The following PARD3 variants were observed in gnomAD, a reference collection of about 807,000 sequenced individuals.
The protein encoded by PARD3 is partitioning defective 3 homolog.
PARD3 carries 75 observed loss-of-function variants against 155.4 expected under a neutral mutation model. The ratio of observed to expected loss-of-function variants is 0.48; its 90% CI spans 0.40 to 0.58. The LOEUF (loss-of-function observed/expected upper bound fraction) is 0.58. PARD3 is among the 20% of genes least tolerant of loss of function. The probability of loss-of-function intolerance (pLI) is 0.00; values close to 1 mark genes in which losing one functional copy is unlikely to be tolerated. For missense variants in PARD3, 1,642 were observed against 1,721.7 expected, an observed-to-expected ratio of 0.95 and a Z score of 0.82; for synonymous variants, 576 against 610.5, an observed-to-expected ratio of 0.94 and a Z score of 0.83.
chr10:34,221,382 A>G (rs1167072262), intron 22 of PARD3, among the ~76,000 whole-genome samples: 1 of 131,064 alleles, frequency 7.6e-6, no homozygotes, highest in Non-Finnish European at 1.6e-5. Flanking sequence ...TCAAACCAGG[A>G]CTTGCCTTTT....
chr10:34,764,716 G>C (rs1239592981), intron 1 of PARD3, among the ~76,000 whole-genome samples: 1 of 152,084 alleles, frequency 6.6e-6, no homozygotes, highest in Non-Finnish European at 1.5e-5. Context: ...TAAATGGTGG[G>C]AACTGTTGAC....
intron 22 of PARD3, among the ~76,000 whole-genome samples, chr10:34,139,213 T>G (rs988667643): frequency 3.9e-5 from 6 of 152,318 alleles, no homozygotes; most frequent in African/African-American, 1.2e-4. Context: ...TAAGACTCAA[T>G]TCACTTATAC....
intron 1 of PARD3, among the ~76,000 whole-genome samples, chr10:34,724,776 G>A (rs755099848): frequency 2.0e-5 from 3 of 152,212 alleles, no homozygotes; most frequent in Non-Finnish European, 4.4e-5. Flanking sequence ...GTGCTACCAC[G>A]GGCAGCAGCA....
intron 22 of PARD3, among the ~76,000 whole-genome samples, chr10:34,209,910 A>G (rs960108492): frequency 6.6e-6 from 1 of 152,220 alleles, no homozygotes; most frequent in Non-Finnish European, 1.5e-5. Context: ...AAAATAAGTC[A>G]CCACTTTAAT....
At chr10:34,775,297 C>T (rs1168258769) in intron 1 of PARD3, among the ~76,000 whole-genome samples, 2 of 151,976 alleles carry the variant, frequency 1.3e-5, no homozygotes, top group African/African-American at 4.8e-5. Flanking sequence ...GCAGGAGGAT[C>T]GCTTGAGGTC....
chr10:34,551,113 C>T (rs993583867), intron 2 of PARD3, among the ~76,000 whole-genome samples: 2 of 152,098 alleles, frequency 1.3e-5, no homozygotes, highest in African/African-American at 4.8e-5. Flanking sequence ...ATCAATGAAA[C>T]CTCATATGAA....
At chr10:34,781,743 A>G (rs958948164) in intron 1 of PARD3, among the ~76,000 whole-genome samples, 2 of 152,240 alleles carry the variant, frequency 1.3e-5, no homozygotes, top group African/African-American at 2.4e-5. Flanking sequence ...CTATACACAG[A>G]GTGTAAAAGA....
At chr10:34,542,239 G>GTGCACGTGTGCA (rs1406115456) in intron 2 of PARD3, among the ~76,000 whole-genome samples, 3 of 144,232 alleles carry the variant, frequency 2.1e-5, no homozygotes, top group South Asian at 4.6e-4. Flanking sequence ...GTGTGTGTGT[G>GTGCACGTGTGCA]CACACACACA....
chr10:34,660,967 G>C (rs1309133493), intron 2 of PARD3, among the ~76,000 whole-genome samples: 3 of 151,786 alleles, frequency 2.0e-5, no homozygotes, highest in Non-Finnish European at 2.9e-5. Flanking sequence ...TGAATCTACT[G>C]ACATAATGAA....
chr10:34,384,353 T>C, intron 7 of PARD3, 99 bp from the exon 8 acceptor site: 1 of 1,118,640 alleles, frequency 8.9e-7, no homozygotes, highest in East Asian at 2.4e-5. Flanking sequence ...AAAGATGTCC[T>C]TACAAAGGAG....
In PARD3 at chr10:34,148,696, G is replaced by A. The variant is rs12218976; in HGVS notation, c.3420-17113C>T. ...GTTTTCCATAGAGATAAATTTATAC[G>A]ATACTTAATATTTGCAACATTGTTT... On this transcript the variant is annotated intron_variant, in intron 22 of 24. Transcript: ENST00000374788. 5.3e-4 allele frequency among the ~76,000 whole-genome samples: 81 copies of A among 152,124 alleles called. No individual in the cohort carries two copies. In the East Asian group the frequency reaches 9.3e-3, roughly 17 times the overall value.
intron 22 of PARD3, among the ~76,000 whole-genome samples, chr10:34,256,279 T>C (rs1369596478): frequency 6.6e-6 from 1 of 152,222 alleles, no homozygotes; most frequent in South Asian, 2.1e-4. Context: ...CTCATGAACT[T>C]GGTGTTCACC....
At chr10:34,346,758 T>C (rs1242613359) in intron 15 of PARD3, among the ~76,000 whole-genome samples, 1 of 152,140 alleles carries the variant, frequency 6.6e-6, no homozygotes, top group Non-Finnish European at 1.5e-5. Flanking sequence ...AAAAGAAAAA[T>C]GTTGACAAAG....
chr10:34,551,692 C>T (rs1241487962), intron 2 of PARD3, among the ~76,000 whole-genome samples: 1 of 152,190 alleles, frequency 6.6e-6, no homozygotes, highest in South Asian at 2.1e-4. Context: ...GGTTCCAGCT[C>T]AGGCTGCGGT....
chr10:34,801,239 C>T (rs1564632974), intron 1 of PARD3, among the ~76,000 whole-genome samples: 1 of 152,142 alleles, frequency 6.6e-6, no homozygotes, highest in Non-Finnish European at 1.5e-5. Flanking sequence ...TTCAAACACA[C>T]TCACATGAAA....
intron 2 of PARD3, among the ~76,000 whole-genome samples, chr10:34,596,067 A>G (rs1219647536): frequency 6.6e-6 from 1 of 152,156 alleles, no homozygotes; most frequent in African/African-American, 2.4e-5. Flanking sequence ...TGGATACCAT[A>G]TTACTCTTTA....
At chr10:34,411,132 AG>A (rs1473508616) in intron 5 of PARD3, among the ~76,000 whole-genome samples, 4 of 152,186 alleles carry the variant, frequency 2.6e-5, no homozygotes, top group Non-Finnish European at 5.9e-5. Context: ...GTTCTTAGAC[AG>A]CTGCTCTAAC....
intron 22 of PARD3, among the ~76,000 whole-genome samples, chr10:34,221,196 G>A (rs956430046): frequency 4.6e-5 from 7 of 152,114 alleles, no homozygotes; most frequent in East Asian, 1.9e-4. Flanking sequence ...GGTTAAAGGC[G>A]CACGTGCATG....
intron 22 of PARD3, among the ~76,000 whole-genome samples, chr10:34,133,199 G>C (rs1947705909): frequency 6.6e-6 from 1 of 152,160 alleles, no homozygotes; most frequent in Non-Finnish European, 1.5e-5. Flanking sequence ...AGACAGGAGA[G>C]CTAAAAGAGC....
Sources: gnomAD v4.1 joint callset for allele counts (sites outside exome capture counted in the v4.1 genomes callset) on GRCh38, gnomAD v4.1.1 for gene constraint, MANE v1.5 for transcripts, NCBI Gene and HGNC (gene_info 2026-07-23, HGNC 2026-07-21) for gene names.